TANC2: variants seen among roughly 807,000 people sequenced by gnomAD.
TANC2 encodes the protein protein TANC2.
In TANC2, 26 loss-of-function variants were observed where a neutral mutation model predicts 210.5. The observed-to-expected ratio is 0.12, with a 90% confidence interval of 0.09 to 0.17. The LOEUF is 0.17. TANC2 is among the 10% of genes least tolerant of loss of function. TANC2 has a pLI of 1.00. For synonymous variants in TANC2, 931 were observed against 967.1 expected, an observed-to-expected ratio of 0.96 and a Z score of 0.69; for missense variants, 2,129 against 2,608.9, an observed-to-expected ratio of 0.82 and a Z score of 4.01.
At chr17:63,089,910 T>G (rs2144794503) in intron 3 of TANC2, among the ~76,000 whole-genome samples, 1 of 152,294 alleles carries the variant, frequency 6.6e-6, no homozygotes, top group East Asian at 1.9e-4. Flanking sequence ...AGTGAGTATG[T>G]TATTACAAAT....
chr17:63,277,285 T>C (rs938358355), intron 9 of TANC2, among the ~76,000 whole-genome samples: 2 of 152,102 alleles, frequency 1.3e-5, no homozygotes, highest in East Asian at 1.9e-4. Context: ...CTTCTTTTTT[T>C]TTTTTTTTAA....
At chr17:63,177,259 T>A (rs545738985) in intron 5 of TANC2, among the ~76,000 whole-genome samples, 2 of 131,018 alleles carry the variant, frequency 1.5e-5, no homozygotes, top group East Asian at 4.1e-4. Context: ...AGTGAGACTC[T>A]GTCTCAAAAA....
rs549114783 is a variant in TANC2 at position 63,056,989 on chromosome 17, G to GT, written c.68-16943dup. Among the ~76,000 whole-genome samples, 215 of 143,674 alleles carry GT rather than the reference G, an allele frequency of 1.5e-3. 1 individual carries two copies. Among genetic ancestry groups the GT allele is most frequent in the Middle Eastern group, 3.5e-3 (1 of 288 alleles). The allele number at this position is 143,674 out of a possible 152,430, so 94.3% of individuals were successfully genotyped here. On this transcript the variant is annotated intron_variant, in intron 2 of 27. Coordinates refer to ENST00000689528, the Ensembl canonical transcript of TANC2. ...ATAATTCAAAGGCAAGGATTTTTTT[G>GT]TTTTTTTTTTTAAGAGACAAGGTCT...
At chr17:63,143,135 T>TA (rs1287997808) in intron 4 of TANC2, among the ~76,000 whole-genome samples, 2 of 152,230 alleles carry the variant, frequency 1.3e-5, no homozygotes, top group African/African-American at 4.8e-5. Flanking sequence ...TACAAATAGT[T>TA]ATTGCAGGTT....
intron 2 of TANC2, among the ~76,000 whole-genome samples, chr17:63,039,788 G>A (rs1348709294): frequency 6.6e-6 from 1 of 152,064 alleles, no homozygotes; most frequent in Non-Finnish European, 1.5e-5. Flanking sequence ...AACTGTTGTA[G>A]TTCTAAAATC....
chr17:63,209,896 G>A (rs770579207), intron 7 of TANC2, among the ~76,000 whole-genome samples: 3 of 152,066 alleles, frequency 2.0e-5, no homozygotes, highest in Non-Finnish European at 4.4e-5. Context: ...ATCTTTTGAG[G>A]TGATGAAATA....
chr17:63,070,125 C>A (rs754014652), intron 2 of TANC2, among the ~76,000 whole-genome samples: 1 of 152,080 alleles, frequency 6.6e-6, no homozygotes, highest in Non-Finnish European at 1.5e-5. Flanking sequence ...ATTATGTACA[C>A]ATTAGTTTTT....
At chr17:63,129,390 C>T (rs559929624) in intron 4 of TANC2, among the ~76,000 whole-genome samples, 1 of 152,198 alleles carries the variant, frequency 6.6e-6, no homozygotes, top group South Asian at 2.1e-4. Context: ...TCACATTTTC[C>T]AAGTTTCAAT....
chr17:63,423,950 G>A (rs1221114688), exon 28 of TANC2: 2 of 152,256 alleles, frequency 1.3e-5, no homozygotes, highest in Non-Finnish European at 2.9e-5. Flanking sequence ...AAGATGAAAT[G>A]TGTAGCTCTA....
At chr17:63,004,726 C>G in intron 1 of TANC2, 1 of 325,000 alleles carries the variant, frequency 3.1e-6, no homozygotes. Flanking sequence ...GTATCTCCGG[C>G]AGCTTCAGCT....
At chr17:63,093,183 G>C (rs1235665658) in intron 3 of TANC2, among the ~76,000 whole-genome samples, 1 of 150,374 alleles carries the variant, frequency 6.7e-6, no homozygotes, top group African/African-American at 2.4e-5. Flanking sequence ...TTTCTCCTGT[G>C]TTTTCTTCTA....
At chr17:63,409,043 G>A (rs2048605593) in intron 21 of TANC2, among the ~76,000 whole-genome samples, 2 of 152,186 alleles carry the variant, frequency 1.3e-5, no homozygotes, top group Non-Finnish European at 2.9e-5. Context: ...AAATAGAAAT[G>A]TTGAAGGGAA....
chr17:63,313,728 CTAA>C (rs1242649250), intron 9 of TANC2, among the ~76,000 whole-genome samples: 2 of 152,060 alleles, frequency 1.3e-5, no homozygotes, highest in African/African-American at 2.4e-5. Flanking sequence ...CTTGCTTCCC[CTAA>C]TAATAATACC....
At chr17:63,233,375 G>C (rs2042534509) in intron 7 of TANC2, among the ~76,000 whole-genome samples, 1 of 152,186 alleles carries the variant, frequency 6.6e-6, no homozygotes, top group African/African-American at 2.4e-5. Context: ...CTCCTGATCT[G>C]TGGGTTGCAC....
chr17:63,279,899 A>G (rs1567877397), intron 9 of TANC2, among the ~76,000 whole-genome samples: 2 of 152,130 alleles, frequency 1.3e-5, no homozygotes, highest in Admixed American at 6.6e-5. Context: ...TTCTTTTCAG[A>G]GACATGCCTG....
At chr17:63,304,743 G>T (rs1364701954) in intron 9 of TANC2, among the ~76,000 whole-genome samples, 3 of 152,168 alleles carry the variant, frequency 2.0e-5, no homozygotes, top group African/African-American at 7.2e-5. Flanking sequence ...TAGGGACTCA[G>T]GCCCAGGGAG....
At chr17:63,288,561 A>G (rs1048706090) in intron 9 of TANC2, among the ~76,000 whole-genome samples, 7 of 152,118 alleles carry the variant, frequency 4.6e-5, no homozygotes, top group African/African-American at 1.7e-4. Flanking sequence ...GTTGAGTTCA[A>G]CTGTGTCCTT....
At chr17:63,356,563 A>G (rs929018941) in intron 14 of TANC2, among the ~76,000 whole-genome samples, 1 of 152,210 alleles carries the variant, frequency 6.6e-6, no homozygotes, top group African/African-American at 2.4e-5. Flanking sequence ...ATGCTGATTC[A>G]TCAGAAAATT....
At chr17:63,406,171 C>T (rs1159228260) in exon 21 of TANC2, 11 of 1,613,760 alleles carry the variant, frequency 6.8e-6, no homozygotes, top group South Asian at 1.1e-5. Flanking sequence ...ATCTTTTACT[C>T]ACCCATGGAG....
Sources: gnomAD v4.1 joint callset for allele counts (sites outside exome capture counted in the v4.1 genomes callset) on GRCh38, gnomAD v4.1.1 for gene constraint, MANE v1.5 for transcripts, NCBI Gene and HGNC (gene_info 2026-07-23, HGNC 2026-07-21) for gene names.